The following PRICKLE3 variants were observed in gnomAD, a reference collection of about 807,000 sequenced individuals.
The protein encoded by PRICKLE3 is prickle planar cell polarity protein 3, also known as LIM domain only protein 6.
PRICKLE3 carries 17 observed loss-of-function variants against 33.8 expected under a neutral mutation model. That is an observed-to-expected ratio of 0.50 (90% CI 0.34 to 0.75). The LOEUF is 0.75. PRICKLE3 is among the 30% of genes least tolerant of loss of function. The probability of loss-of-function intolerance (pLI) is 0.01; values close to 1 mark genes in which losing one functional copy is unlikely to be tolerated. For synonymous variants in PRICKLE3, 211 were observed against 219.6 expected (o/e 0.96, Z 0.34); for missense variants, 573 against 576.7 (o/e 0.99, Z 0.07).
chrX:49,182,199 G>A (rs1226164446), intron 3 of PRICKLE3, among the ~76,000 whole-genome samples: 1 of 110,818 alleles, frequency 9.0e-6, no homozygotes, highest in African/African-American at 3.3e-5. Flanking sequence ...CACTCGCCTC[G>A]GCCTCCCAAA....
rs1265104589 is a variant in PRICKLE3 at position 49,179,331 on chromosome X, G to A, written c.484C>T (p.Gln162Ter). The change falls in exon 5 of 9, where the codon CAG (glutamine) becomes TAG (stop). Residue 162 changes from glutamine (Q) to a stop codon, truncating the protein, a stop_gained. Coordinates refer to ENST00000599218, the MANE Select transcript of PRICKLE3 (RefSeq NM_006150.5). LOFTEE classifies it high-confidence loss of function. ...EEKKELRAFSQQRKRENLGRG... is the reference protein window; with the variant it reads ...EEKKELRAFS ...CCCAGATTCTCCCGCTTCCGCTGCT[G>A]GCTAAAGGCTCGGAGCTCTTTCTTT... The A allele has an allele frequency of 4.1e-6, 5 of 1,211,337 alleles. No homozygotes were observed. The highest frequency in any genetic ancestry group is 5.6e-6 in the Non-Finnish European group (5 of 895,317).
chrX:49,183,024 A>G (rs1192968440), intron 3 of PRICKLE3, among the ~76,000 whole-genome samples: 1 of 111,044 alleles, frequency 9.0e-6, no homozygotes, highest in Non-Finnish European at 1.9e-5. Context: ...GGGTTTTGCC[A>G]TGTTGGCCAG....
chrX:49,175,612 G>C lies in PRICKLE3; in HGVS notation c.*61C>G, dbSNP rs2065410218. ...GTAGGGGCGGGGCGTGGGGGTGAGG[G>C]GCATGGGCCTCATCATCTACTCTGA... is the stretch of plus-strand genomic sequence containing the variant. On this transcript the variant is annotated 3_prime_UTR_variant, in exon 9 of 9. Transcript: ENST00000599218. 9.8e-7 allele frequency: 1 copy of C among 1,017,863 alleles called. No homozygotes were observed. Among genetic ancestry groups the C allele is most frequent in the Non-Finnish European group, 1.3e-6 (1 of 741,959 alleles). The allele number at this position is 1,017,863 out of a possible 1,213,427, so 83.9% of individuals were successfully genotyped here. A position where few individuals can be genotyped will look rare whatever the true frequency, so the allele number is the denominator to read the frequency against.
At chrX:49,180,566 A>C (rs2065444009) in intron 3 of PRICKLE3, among the ~76,000 whole-genome samples, 1 of 110,757 alleles carries the variant, frequency 9.0e-6, no homozygotes, top group African/African-American at 3.3e-5. Flanking sequence ...CACCGAGCTG[A>C]CCACTCTCTC....
intron 7 of PRICKLE3, among the ~76,000 whole-genome samples, chrX:49,177,453 C>T (rs1254932778): frequency 1.8e-5 from 2 of 112,351 alleles, no homozygotes; most frequent in African/African-American, 6.5e-5. Flanking sequence ...TCTCCCAGAG[C>T]GGGGTGGGCA....
At chrX:49,181,889 T>C in intron 3 of PRICKLE3, among the ~76,000 whole-genome samples, 1 of 107,319 alleles carries the variant, frequency 9.3e-6, no homozygotes, top group Middle Eastern at 4.8e-3. Flanking sequence ...CCTCAGGCGA[T>C]CTGCCTGCCT....
At chrX:49,181,139 G>A (rs1348103788) in intron 3 of PRICKLE3, among the ~76,000 whole-genome samples, 3 of 109,831 alleles carry the variant, frequency 2.7e-5, no homozygotes, top group African/African-American at 6.6e-5. Context: ...AGGCCCAGAG[G>A]GGAAGATAGC....
rs782207533 is a variant in PRICKLE3 at position 49,175,195 on chromosome X, C to T, written c.*478G>A. ...GGGGCAAGGAGGCAAAGAAGCCAGG[C>T]CTGTTTTACAACAAATATTAAATTA... On this transcript the variant is annotated 3_prime_UTR_variant, in exon 9 of 9. Coordinates refer to ENST00000599218, the MANE Select transcript of PRICKLE3 (RefSeq NM_006150.5). 2 of 177,071 alleles carry T rather than the reference C, an allele frequency of 1.1e-5. No homozygotes were observed. Among genetic ancestry groups the T allele is most frequent in the Non-Finnish European group, 2.1e-5 (2 of 95,087 alleles). The allele number at this position is 177,071 out of a possible 1,213,427, so 14.6% of individuals were successfully genotyped here.
intron 3 of PRICKLE3, among the ~76,000 whole-genome samples, chrX:49,181,614 T>TGTATATATATACGTATATATATACAC (rs2065456347): frequency 3.5e-5 from 1 of 28,465 alleles, no homozygotes; most frequent in Admixed American, 5.2e-4. Flanking sequence ...TATATATATA[T>TGTATATATATACGTATATATATACAC]GTGTATATAT....
At chrX:49,183,066 C>T (rs185806175) in intron 3 of PRICKLE3, among the ~76,000 whole-genome samples, 26 of 111,687 alleles carry the variant, frequency 2.3e-4, no homozygotes, top group Non-Finnish European at 4.2e-4. Context: ...TCAAGTAATC[C>T]GCCCGCCTCA....
chrX:49,184,962 G>A (rs1330246420), intron 1 of PRICKLE3: 12 of 1,011,176 alleles, frequency 1.2e-5, no homozygotes, highest in Non-Finnish European at 1.4e-5. Context: ...GGCTGGCCTC[G>A]GACCCCCCTC....
chrX:49,184,706 G>A lies in PRICKLE3; in HGVS notation c.47C>T (p.Pro16Leu). Residue 16 changes from proline (P) to leucine (L), a missense_variant, in exon 2 of 9, where the codon CCA becomes CTA. Physicochemically the swap from Pro to Leu is moderately conservative, Grantham distance 98. Coordinates refer to ENST00000599218, the MANE Select transcript of PRICKLE3 (RefSeq NM_006150.5). Reference sequence around the variant, plus strand: ...GCCCCGGTCTGGGTCCTCTGCCTCTGGAGGCTGCAGTGGGCGGGGGCAGAT... The same window carrying A: ...GCCCCGGTCTGGGTCCTCTGCCTCTAGAGGCTGCAGTGGGCGGGGGCAGAT... The part of the protein sequence containing the change: ...SRRRRSGRAP[P>L]EAEDPDRGQP... 8.6e-7 allele frequency: 1 copy of A among 1,164,406 alleles called. No individual in the cohort carries two copies. The highest frequency in any genetic ancestry group is 1.1e-6 in the Non-Finnish European group (1 of 870,912).
intron 1 of PRICKLE3, chrX:49,184,995 C>T: frequency 2.6e-6 from 2 of 764,032 alleles, no homozygotes; most frequent in Non-Finnish European, 3.6e-6. Flanking sequence ...TAGCCTCAGA[C>T]ACCTCCCACC....
At chrX:49,181,407 T>TATAC (rs1557100972) in intron 3 of PRICKLE3, among the ~76,000 whole-genome samples, 21 of 93,118 alleles carry the variant, frequency 2.3e-4, no homozygotes, top group African/African-American at 7.5e-4. Context: ...TATATATATA[T>TATAC]ACACGTATAA....
intron 3 of PRICKLE3, among the ~76,000 whole-genome samples, chrX:49,181,970 A>G (rs1453024418): frequency 9.9e-6 from 1 of 101,072 alleles, no homozygotes. Context: ...TTTTTGAGAC[A>G]GGGTCTTGCT....
In PRICKLE3 at chrX:49,186,288, G is replaced by A. The variant is rs1557101881; in HGVS notation, c.10C>T (p.Arg4Cys). Residue 4 changes from arginine (R) to cysteine (C), a missense_variant, in exon 1 of 9, where the codon CGT becomes TGT. Coordinates refer to ENST00000599218, the MANE Select transcript of PRICKLE3 (RefSeq NM_006150.5). ...CCGGAGCGGCGCCTCCGGGACCCACGCGCGAACATGGCGCGCCCGGGCAGG... is the reference window on the plus strand; with the variant it reads ...CCGGAGCGGCGCCTCCGGGACCCACACGCGAACATGGCGCGCCCGGGCAGG... MFA[R>C]GSRRRRSGRA... 1 of 1,149,508 alleles carries A rather than the reference G, an allele frequency of 8.7e-7. No individual in the cohort carries two copies. The highest frequency in any genetic ancestry group is 1.2e-6 in the Non-Finnish European group (1 of 864,912). 94.7% of individuals were successfully genotyped at this position (1,149,508 alleles called of 1,213,427 possible).
rs782359210 is a variant in PRICKLE3 at position 49,175,986 on chromosome X, C to T, written c.1535G>A (p.Arg512His). 11 of 1,208,551 alleles carry T rather than the reference C, an allele frequency of 9.1e-6. No homozygotes were observed. In the Admixed American group the frequency reaches 1.3e-4, roughly 14 times the overall value. Reference sequence around the variant, plus strand: ...GTGATGGTGATTATGATGATGGTGGCGGCGACGGCTGGGGGCCCTGGGTGG... The same window carrying T: ...GTGATGGTGATTATGATGATGGTGGTGGCGACGGCTGGGGGCCCTGGGTGG... The part of the protein sequence containing the change: ...SPPPRAPSRR[R>H]HHHHNHHHHH... The change falls in exon 9 of 9, where the codon CGC (arginine) becomes CAC (histidine). Residue 512 changes from arginine to histidine, a missense_variant. Transcript: ENST00000599218.
Position 49,177,975 on chromosome X carries a change from C to G in PRICKLE3, c.955+18G>C, listed in dbSNP as rs1557100366. 3 of 1,141,218 alleles carry G rather than the reference C, an allele frequency of 2.6e-6. No individual in the cohort carries two copies. Among genetic ancestry groups the G allele is most frequent in the Non-Finnish European group, 2.3e-6 (2 of 860,977 alleles). 94.0% of individuals were successfully genotyped at this position (1,141,218 alleles called of 1,213,427 possible). On this transcript the variant is annotated intron_variant, in intron 7 of 8. Transcript: ENST00000599218. ...CTGTCCATCCATCCCTCTGTCCAGT[C>G]CCACAGCATTCACCCACCGATGTGC...
Position 49,183,576 on chromosome X carries a change from C to T in PRICKLE3, c.312+158G>A, listed in dbSNP as rs782063390. 61 of 1,104,337 alleles carry T rather than the reference C, an allele frequency of 5.5e-5. 1 individual carries two copies. The highest frequency in any genetic ancestry group is 6.0e-5 in the Non-Finnish European group (50 of 833,471). 91.0% of individuals were successfully genotyped at this position (1,104,337 alleles called of 1,213,427 possible). ...AGTCACCCAAGGTATGGGGGGCTGA[C>T]CACTCTTCCATCACAGAGGGGCCAG... On this transcript the variant is annotated intron_variant, in intron 3 of 8. Transcript: ENST00000599218.
Sources: gnomAD v4.1 joint callset for allele counts (sites outside exome capture counted in the v4.1 genomes callset) on GRCh38, gnomAD v4.1.1 for gene constraint, MANE v1.5 for transcripts, NCBI Gene and HGNC (gene_info 2026-07-23, HGNC 2026-07-21) for gene names.